Variants in IGFN1 observed in about 807,000 individuals in gnomAD.
IGFN1 encodes the protein immunoglobulin like and fibronectin type III domain containing 1.
A neutral mutation model predicts 289.5 loss-of-function variants in IGFN1; 253 were observed. That is an observed-to-expected ratio of 0.87 (90% CI 0.79 to 0.97). The LOEUF is 0.97. IGFN1 is among the 50% of genes least tolerant of loss of function. IGFN1 has a pLI of 0.00. For synonymous variants in IGFN1, 1,706 were observed against 1,788.5 expected (o/e 0.95, Z 1.16); for missense variants, 4,470 against 4,686.1 (o/e 0.95, Z 1.35).
intron 22 of IGFN1, among the ~76,000 whole-genome samples, chr1:201,226,380 C>A (rs1654100381): frequency 6.6e-6 from 1 of 152,166 alleles, no homozygotes; most frequent in Non-Finnish European, 1.5e-5. Flanking sequence ...GTCTGAGGTG[C>A]CTTTGGGAGG....
Position 201,199,375 on chromosome 1 carries a change from G to A in IGFN1, c.409G>A (p.Glu137Lys), listed in dbSNP as rs1667052845. The part of the protein sequence containing the change: ...KNRKRHREPQ[E>K]DLRKELMDFR... ...TCGGAAGAGGCACAGGGAACCGCAG[G>A]AAGGTAGGCAGATTTGTCAGAAACC... Residue 137 changes from glutamate (E) to lysine (K), a missense_variant, in exon 6 of 24, where the codon GAA becomes AAA. Glu to Lys is a moderately conservative substitution (Grantham distance 56). Around this residue, in one of 8 missense-constraint regions of IGFN1, gnomAD observed 2,011 missense variants for 1,953.4 expected, o/e 1.03. Transcript: ENST00000335211. 1.3e-6 allele frequency: 2 copies of A among 1,551,964 alleles called. No individual in the cohort carries two copies. The highest frequency in any genetic ancestry group is 8.7e-7 in the Non-Finnish European group (1 of 1,147,014).
chr1:201,214,032 G>T (rs749569353), intron 12 of IGFN1, 145 bp from the exon 13 acceptor site: 2 of 798,264 alleles, frequency 2.5e-6, no homozygotes, highest in Non-Finnish European at 3.8e-6. Context: ...CCAGGGCATT[G>T]GAGCCAAGAT....
chr1:201,214,883 C>A, intron 13 of IGFN1, 130 bp from the exon 14 acceptor site: 1 of 886,588 alleles, frequency 1.1e-6, no homozygotes, highest in Non-Finnish European at 1.7e-6. Flanking sequence ...AGAGCATTGG[C>A]ACACAATAAG....
chr1:201,206,538 A>G lies in IGFN1; in HGVS notation c.1645A>G (p.Ser549Gly), dbSNP rs2102333481. ...QQQDRGRDSN[S>G]DECWRKAGGW... ...GCAAGATCGTGGCAGAGACAGCAAC[A>G]GTGATGAATGCTGGAGGAAAGCAGG... The change falls in exon 12 of 24, where the codon AGT becomes GGT. Residue 549 changes from serine (S) to glycine (G), a missense_variant. Physicochemically the swap from Ser to Gly is moderately conservative, Grantham distance 56. This residue lies in a region of IGFN1 where 2,011 missense variants were observed against 1,953.4 expected (regional missense o/e 1.03). Transcript: ENST00000335211. The G allele has an allele frequency of 1.3e-6, 2 of 1,551,098 alleles. No individual in the cohort carries two copies. Among genetic ancestry groups the G allele is most frequent in the Non-Finnish European group, 1.7e-6 (2 of 1,146,996 alleles).
Position 201,197,202 on chromosome 1 carries a change from C to G in IGFN1, c.268-16C>G. The G allele has an allele frequency of 6.6e-7, 1 of 1,518,968 alleles. No homozygotes were observed. The highest frequency in any genetic ancestry group is 8.9e-7 in the Non-Finnish European group (1 of 1,117,834). 94.1% of individuals were successfully genotyped at this position (1,518,968 alleles called of 1,614,324 possible). A position where few individuals can be genotyped will look rare whatever the true frequency, so the allele number is the denominator to read the frequency against. On this transcript the variant is annotated splice_polypyrimidine_tract_variant and intron_variant, in intron 4 of 23. Transcript: ENST00000335211. ...GATGTGGTAGCCCTGTTCCTCTGCC[C>G]TTGGCCTCTCTGCAGATCAACAAGC...
intron 1 of IGFN1, among the ~76,000 whole-genome samples, chr1:201,191,251 T>C (rs1666647225): frequency 6.6e-6 from 1 of 152,184 alleles, no homozygotes; most frequent in Non-Finnish European, 1.5e-5. Context: ...GGACTTGTTA[T>C]ATTTTGGTTA....
chr1:201,194,010 A>C, intron 2 of IGFN1, 144 bp from the exon 3 acceptor site: 1 of 828,966 alleles, frequency 1.2e-6, no homozygotes, highest in Non-Finnish European at 1.9e-6. Context: ...GGCAGGAGGT[A>C]CTACAAATAA....
At position 201,206,887 on chromosome 1, in the gene IGFN1, G is replaced by A. The variant is rs1419373080; in HGVS notation, c.1994G>A (p.Gly665Glu). ...WGGGTGLGEA[G>E]DSNGAGGPGT... ...GGTGGGACTGGCCTGGGAGAAGCTG[G>A]AGACAGCAATGGGGCAGGAGGTCCT... The change falls in exon 12 of 24, where the codon GGA becomes GAA. Residue 665 changes from glycine (G) to glutamate (E), a missense_variant. Transcript: ENST00000335211. 1 of 1,536,326 alleles carries A rather than the reference G, an allele frequency of 6.5e-7. No homozygotes were observed. The highest frequency in any genetic ancestry group is 8.7e-7 in the Non-Finnish European group (1 of 1,146,534).
chr1:201,191,655 A>G (rs1217408234), intron 1 of IGFN1, among the ~76,000 whole-genome samples: 2 of 152,048 alleles, frequency 1.3e-5, no homozygotes, highest in Admixed American at 1.3e-4. Flanking sequence ...TTGACTTTGT[A>G]CCAAATCTGG....
Position 201,206,492 on chromosome 1 carries a change from G to C in IGFN1, c.1599G>C (p.Leu533Phe). The C allele has an allele frequency of 1.9e-6, 3 of 1,551,358 alleles. No individual in the cohort carries two copies. Among genetic ancestry groups the C allele is most frequent in the Non-Finnish European group, 2.6e-6 (3 of 1,146,974 alleles). The change falls in exon 12 of 24, where the codon TTG (leucine) becomes TTC (phenylalanine). Residue 533 changes from leucine (L) to phenylalanine (F), a missense_variant. Physicochemically the swap from Leu to Phe is conservative, Grantham distance 22. Transcript: ENST00000335211. ...HLQGESSESG[L>F]GLPEKQQQDR... ...AGGGAGAGAGCTCAGAATCAGGGTT[G>C]GGCCTCCCAGAAAAACAACAGCAAG...
rs1378153803 is a variant in IGFN1, at chr1:201,215,088, A to T, written c.8929A>T (p.Thr2977Ser). The change falls in exon 14 of 24, where the codon ACC (threonine) becomes TCC (serine). Residue 2977 changes from threonine to serine, a missense_variant. Physicochemically the swap from Thr to Ser is moderately conservative, Grantham distance 58. Around this residue, in one of 8 missense-constraint regions of IGFN1, gnomAD observed 2,218 missense variants for 2,114.1 expected, o/e 1.05. Transcript: ENST00000335211. ...CCTCTTCATCACGCATGTGCAGGGG[A>T]CCCAAGCTGGGAGGTACACCTTTGT... ...HSLFITHVQG[T>S]QAGRYTFVAG... 1 of 1,613,754 alleles carries T rather than the reference A, an allele frequency of 6.2e-7. No homozygotes were observed. The highest frequency in any genetic ancestry group is 8.5e-7 in the Non-Finnish European group (1 of 1,179,992).
chr1:201,202,718 T>C (rs1667217110), intron 9 of IGFN1, among the ~76,000 whole-genome samples: 1 of 78,118 alleles, frequency 1.3e-5, no homozygotes, highest in African/African-American at 5.5e-5. Flanking sequence ...TCTTTCTTCC[T>C]CCCTCCCTCC....
chr1:201,205,328 C>A lies in IGFN1; in HGVS notation c.1163C>A (p.Thr388Asn). The A allele has an allele frequency of 1.9e-6, 3 of 1,541,866 alleles. No individual in the cohort carries two copies. The highest frequency in any genetic ancestry group is 1.2e-5 in the South Asian group (1 of 83,512). The change falls in exon 11 of 24, where the codon ACT becomes AAT. Residue 388 changes from threonine (T) to asparagine (N), a missense_variant. By Grantham distance (65) the Thr-to-Asn change is moderately conservative. Transcript: ENST00000335211. ...TATTCGCTGGGCACCGGGCTCTACA[C>A]TTCCAGCGCCTGGCTGGTGGTTGAA... is the stretch of plus-strand genomic sequence containing the variant. ...GPYSLGTGLY[T>N]SSAWLVVEAG...
Position 201,195,871 on chromosome 1 carries a change from G to T in IGFN1, c.160G>T (p.Gly54Trp). ...KNAVFRAVVCGEPRPEVRWQN... is the reference protein window; with the variant it reads ...KNAVFRAVVCWEPRPEVRWQN... ...TGCTGTCTTTCGGGCTGTGGTCTGT[G>T]GGGAGCCCAGGCCCGAGGTGCGTTG... Residue 54 changes from glycine to tryptophan, a missense_variant, in exon 4 of 24, where the codon GGG becomes TGG. Gly to Trp is a radical substitution (Grantham distance 184, BLOSUM62 -2). This residue lies in a region of IGFN1 where 2,011 missense variants were observed against 1,953.4 expected (regional missense o/e 1.03). Transcript: ENST00000335211. 6.4e-7 allele frequency: 1 copy of T among 1,551,700 alleles called. No individual in the cohort carries two copies. The highest frequency in any genetic ancestry group is 8.7e-7 in the Non-Finnish European group (1 of 1,146,978).
At chr1:201,228,336 G>T (rs934319255) in intron 23 of IGFN1, 50 bp from the exon 24 acceptor site, 10 of 1,590,502 alleles carry the variant, frequency 6.3e-6, no homozygotes, top group Non-Finnish European at 8.6e-6. Context: ...ACAGATGCAG[G>T]GTGGGGTGGC....
At chr1:201,196,058 A>G (rs1319904261) in intron 4 of IGFN1, 80 bp downstream of exon 4, 12 of 1,406,054 alleles carry the variant, frequency 8.5e-6, no homozygotes, top group Non-Finnish European at 8.7e-6. Flanking sequence ...GCAGCCTCCA[A>G]TCCCTAGAGG....
In IGFN1 at chr1:201,216,442, G is replaced by A. The variant is rs1422717142; in HGVS notation, c.9296-12G>A. 6.5e-6 allele frequency: 10 copies of A among 1,536,764 alleles called. No individual in the cohort carries two copies. The South Asian group carries it at 1.2e-4, about 19-fold the overall frequency. ...ACCCCTCCTCTTCCCGCTCCTCTCTGTGGGTCCCCAGACAAGCCTGATCCC... is the reference window on the plus strand; with the variant it reads ...ACCCCTCCTCTTCCCGCTCCTCTCTATGGGTCCCCAGACAAGCCTGATCCC... On this transcript the variant is annotated splice_polypyrimidine_tract_variant and intron_variant, in intron 15 of 23. Transcript: ENST00000335211.
rs561055921 is a variant in IGFN1, at chr1:201,216,643, C to T, written c.9485C>T (p.Thr3162Met). Residue 3162 changes from threonine (T) to methionine (M), a missense_variant, in exon 16 of 24, where the codon ACG becomes ATG. Thr to Met is a moderately conservative substitution (Grantham distance 81). This residue lies in a region of IGFN1 where 2,218 missense variants were observed against 2,114.1 expected (regional missense o/e 1.05). Coordinates refer to ENST00000335211, the MANE Select transcript of IGFN1 (RefSeq NM_001164586.2). ...GCCCCCGCTGACAGCACCACCTTCA[C>T]GGATGCCCATGTGGAGCCAGGCAGG... is the stretch of plus-strand genomic sequence containing the variant. ...GEAPADSTTF[T>M]DAHVEPGRKY... 7.4e-6 allele frequency: 12 copies of T among 1,613,994 alleles called. No individual in the cohort carries two copies. The South Asian group carries it at 9.9e-5, about 13-fold the overall frequency.
rs1485427491 is a variant in IGFN1, at chr1:201,215,558, A to G, written c.9015A>G (p.Pro3005=). The G allele has an allele frequency of 8.8e-6, 14 of 1,594,512 alleles. No homozygotes were observed. The highest frequency in any genetic ancestry group is 1.3e-5 in the African/African-American group (1 of 74,448). Residue 3005 remains proline (P), a synonymous_variant, in exon 15 of 24, where the codon CCA becomes CCG. Coordinates refer to ENST00000335211, the MANE Select transcript of IGFN1 (RefSeq NM_001164586.2). Reference sequence around the variant, plus strand: ...TTCTAGATTCCCCTACCATTGCTCCAGATGTGACAGAGAAACTGAGAGAGC... The same window carrying G: ...TTCTAGATTCCCCTACCATTGCTCCGGATGTGACAGAGAAACTGAGAGAGC... ...LTVQDSPTIA[P]DVTEKLREPL...
Sources: allele counts gnomAD v4.1 joint callset (sites outside exome capture counted in the v4.1 genomes callset), GRCh38; gene constraint gnomAD v4.1.1; regional missense constraint gnomAD v4.1.1; transcripts MANE v1.5; gene names NCBI Gene and HGNC (gene_info 2026-07-23, HGNC 2026-07-21).